The following TG variants were observed in gnomAD, a reference collection of about 807,000 sequenced individuals.
The protein encoded by TG is thyroid hormones.
A neutral mutation model predicts 324.7 loss-of-function variants in TG; 270 were observed. That is an observed-to-expected ratio of 0.83 (90% CI 0.75 to 0.92). The LOEUF (loss-of-function observed/expected upper bound fraction) is 0.92, where lower values mean the gene tolerates loss of function less well. Among genes scored for constraint, TG ranks in the 40% least tolerant of loss-of-function variants. The pLI is 0.00. For missense variants in TG, 3,591 were observed against 3,456.4 expected (o/e 1.04, Z -0.98); for synonymous variants, 1,401 against 1,327.0 (o/e 1.06, Z -1.21).
At chr8:132,998,471 C>G (rs892852433) in intron 35 of TG, among the ~76,000 whole-genome samples, 2 of 152,178 alleles carry the variant, frequency 1.3e-5, no homozygotes, top group African/African-American at 4.8e-5. Flanking sequence ...TGCCCATGCT[C>G]AGCAGACTGA....
At chr8:133,025,883 CTCTGTGGG>C (rs1411480276) in intron 40 of TG, among the ~76,000 whole-genome samples, 1 of 152,170 alleles carries the variant, frequency 6.6e-6, no homozygotes, top group African/African-American at 2.4e-5. Context: ...TGCTCTGTGG[CTCTGTGGG>C]GCCAAAACTC....
chr8:132,958,879 G>A (rs999289246), intron 27 of TG, among the ~76,000 whole-genome samples: 1 of 152,166 alleles, frequency 6.6e-6, no homozygotes, highest in Admixed American at 6.5e-5. Flanking sequence ...TGCAGTAGGA[G>A]TATATGGTGA....
At chr8:132,898,311 T>C in intron 13 of TG, 65 bp downstream of exon 13, 1 of 1,472,098 alleles carries the variant, frequency 6.8e-7, no homozygotes, top group South Asian at 1.2e-5. Context: ...TCTAGTCAGC[T>C]GTGGTTGCCT....
chr8:132,917,095 C>T (rs1189296375), intron 20 of TG, among the ~76,000 whole-genome samples: 1 of 124,400 alleles, frequency 8.0e-6, no homozygotes, highest in Admixed American at 9.6e-5. Context: ...CCCTTACTTC[C>T]TTTTTTTCTT....
intron 20 of TG, 93 bp from the exon 21 acceptor site, chr8:132,919,283 G>T: frequency 1.5e-6 from 2 of 1,347,652 alleles, no homozygotes; most frequent in Non-Finnish European, 2.1e-6. Context: ...CTCTTGAACT[G>T]GTTTGAGGAT....
At chr8:133,002,648 CT>C in intron 35 of TG, 1 of 216,996 alleles carries the variant, frequency 4.6e-6, no homozygotes, top group Non-Finnish European at 9.3e-6. Context: ...CAGCTCTGGC[CT>C]TTCCCACTGG....
At chr8:132,943,706 C>T (rs1172352134) in intron 26 of TG, among the ~76,000 whole-genome samples, 1 of 152,144 alleles carries the variant, frequency 6.6e-6, no homozygotes, top group African/African-American at 2.4e-5. Context: ...TCTACCACAG[C>T]CAGACCCTGC....
At chr8:133,009,219 A>G (rs903805041) in intron 35 of TG, among the ~76,000 whole-genome samples, 18 of 152,204 alleles carry the variant, frequency 1.2e-4, no homozygotes, top group African/African-American at 4.1e-4. Context: ...CCTTTCATAG[A>G]ACTTCTCTAA....
chr8:132,886,899 C>T lies in TG; in HGVS notation c.1527C>T (p.Phe509=), dbSNP rs530973851. Residue 509 remains phenylalanine (F), a synonymous_variant, in exon 9 of 48, where the codon TTC becomes TTT. Transcript: ENST00000220616. ...QFFQQLGLAS[F]LNGGRQEDLA... ...TCCAGCAACTTGGTCTTGCAAGCTT[C>T]TTGAATGGAGGGAGACAAGAAGATT... 1 of 1,614,134 alleles carries T rather than the reference C, an allele frequency of 6.2e-7. No individual in the cohort carries two copies. Among genetic ancestry groups the T allele is most frequent in the Admixed American group, 1.7e-5 (1 of 60,018 alleles).
intron 11 of TG, among the ~76,000 whole-genome samples, chr8:132,895,823 T>C (rs1055884778): frequency 8.5e-5 from 13 of 152,188 alleles, no homozygotes; most frequent in African/African-American, 2.4e-4. Flanking sequence ...GGGGAGGCAA[T>C]GTTGCTGGTG....
chr8:132,886,787 T>C lies in TG; in HGVS notation c.1415T>C (p.Phe472Ser), dbSNP rs748450118. 6.2e-7 allele frequency: 1 copy of C among 1,614,220 alleles called. No individual in the cohort carries two copies. The highest frequency in any genetic ancestry group is 8.5e-7 in the Non-Finnish European group (1 of 1,180,050). ...TNPKRLQQNL[F>S]GGKFLVNVGQ... ...CCAAAGAGACTCCAGCAAAACCTTT[T>C]TGGAGGGAAATTTTTGGTGAATGTT... Residue 472 changes from phenylalanine (F) to serine (S), a missense_variant, in exon 9 of 48, where the codon TTT (phenylalanine) becomes TCT (serine). Physicochemically the swap from Phe to Ser is radical, Grantham distance 155. Coordinates refer to ENST00000220616, the MANE Select transcript of TG (RefSeq NM_003235.5).
intron 23 of TG, among the ~76,000 whole-genome samples, chr8:132,929,934 G>A (rs1822452000): frequency 6.6e-6 from 1 of 152,164 alleles, no homozygotes; most frequent in Non-Finnish European, 1.5e-5. Context: ...CTTGGGGTAC[G>A]ATTGAGTCCC....
At chr8:132,873,360 G>C (rs1332642200) in intron 5 of TG, 139 bp downstream of exon 5, 1 of 1,225,434 alleles carries the variant, frequency 8.2e-7, no homozygotes, top group Admixed American at 2.2e-5. Context: ...GAGCTGTCCT[G>C]GGCATCTAAA....
At chr8:132,968,977 A>G (rs957047868) in intron 31 of TG, among the ~76,000 whole-genome samples, 3 of 152,114 alleles carry the variant, frequency 2.0e-5, no homozygotes, top group East Asian at 1.9e-4. Flanking sequence ...CGAACCTTCT[A>G]TCTTCTTCCG....
At chr8:133,059,825 A>G (rs1166811029) in intron 41 of TG, among the ~76,000 whole-genome samples, 3 of 152,208 alleles carry the variant, frequency 2.0e-5, no homozygotes, top group Non-Finnish European at 2.9e-5. Flanking sequence ...CAGTCTCCCT[A>G]TCTGGAAAAT....
At chr8:133,030,329 T>G (rs1238928713) in intron 41 of TG, among the ~76,000 whole-genome samples, 1 of 152,174 alleles carries the variant, frequency 6.6e-6, no homozygotes, top group Non-Finnish European at 1.5e-5. Flanking sequence ...TGTCAATGCA[T>G]GATGGTAAAG....
At chr8:132,947,632 T>C (rs558653406) in intron 26 of TG, among the ~76,000 whole-genome samples, 1 of 54,998 alleles carries the variant, frequency 1.8e-5, no homozygotes, top group African/African-American at 9.3e-5. Context: ...GGATAATATA[T>C]TGCCCTTTTT....
chr8:132,882,196 C>T (rs1414247560), intron 6 of TG, among the ~76,000 whole-genome samples: 1 of 152,220 alleles, frequency 6.6e-6, no homozygotes, highest in Non-Finnish European at 1.5e-5. Context: ...GAAAGAAGTG[C>T]CCCGCTCTGG....
chr8:132,950,891 C>T (rs1826011645), intron 27 of TG, among the ~76,000 whole-genome samples: 1 of 152,218 alleles, frequency 6.6e-6, no homozygotes, highest in African/African-American at 2.4e-5. Flanking sequence ...CCTATACTCA[C>T]AAGTCCTCAA....
Sources: gnomAD v4.1 joint callset for allele counts (sites outside exome capture counted in the v4.1 genomes callset) on GRCh38, gnomAD v4.1.1 for gene constraint, MANE v1.5 for transcripts, NCBI Gene and HGNC (gene_info 2026-07-23, HGNC 2026-07-21) for gene names.